Variants in UBTD1 observed in about 807,000 individuals in gnomAD.
UBTD1 encodes the protein ubiquitin domain-containing protein 1.
Under a neutral mutation model 21.7 loss-of-function variants are expected in UBTD1, and 19 were observed. The observed-to-expected ratio is 0.87, with a 90% CI of 0.61 to 1.28. UBTD1 has a LOEUF of 1.28. Among genes scored for constraint, UBTD1 ranks in the 50% most tolerant of loss-of-function variants. UBTD1 has a pLI of 0.00. For synonymous variants in UBTD1, 116 were observed against 135.1 expected (o/e 0.86, Z 0.98); for missense variants, 282 against 315.1 (o/e 0.89, Z 0.80).
chr10:97,523,658 A>G (rs549341793), intron 1 of UBTD1, among the ~76,000 whole-genome samples: 2 of 152,222 alleles, frequency 1.3e-5, no homozygotes, highest in South Asian at 4.1e-4. Flanking sequence ...TGGTAGAGCC[A>G]GGATAGTTGG....
intron 1 of UBTD1, among the ~76,000 whole-genome samples, 169 bp downstream of exon 1, chr10:97,499,442 G>A (rs2033509058): frequency 6.6e-6 from 1 of 152,244 alleles, no homozygotes; most frequent in Admixed American, 6.5e-5. Flanking sequence ...GCGGCCGGGG[G>A]AGCTGAGTTG....
intron 1 of UBTD1, among the ~76,000 whole-genome samples, chr10:97,537,394 G>C (rs1304199213): frequency 5.3e-5 from 8 of 152,320 alleles, no homozygotes; most frequent in South Asian, 4.1e-4. Flanking sequence ...GGGTAGGATA[G>C]CTAGAGAGCA....
chr10:97,544,975 G>A lies in UBTD1; in HGVS notation c.71-22939G>A, dbSNP rs75510306. ...GAGGGGTTGGTCTTGCTGTCTCAGT[G>A]GCAGAGGTGGAAGAAAACTCGAACC... On this transcript the variant is annotated intron_variant, in intron 1 of 2. Transcript: ENST00000370664. Among the ~76,000 whole-genome samples the A allele has an allele frequency of 5.9e-5, 9 of 152,178 alleles. No individual in the cohort carries two copies. In the East Asian group the frequency reaches 1.5e-3, roughly 26 times the overall value.
At chr10:97,499,302 G>C (rs1271684246) in intron 1 of UBTD1, 29 bp downstream of exon 1, 1 of 1,543,196 alleles carries the variant, frequency 6.5e-7, no homozygotes, top group Non-Finnish European at 8.8e-7. Context: ...GCAGGGCCTC[G>C]GGCATCCCGC....
intron 1 of UBTD1, among the ~76,000 whole-genome samples, chr10:97,522,607 G>T (rs1242873569): frequency 6.6e-6 from 1 of 152,174 alleles, no homozygotes; most frequent in Non-Finnish European, 1.5e-5. Flanking sequence ...GCTTGATCTT[G>T]TCATTTTGCT....
chr10:97,564,858 C>G (rs752167531), intron 1 of UBTD1, among the ~76,000 whole-genome samples: 3 of 152,192 alleles, frequency 2.0e-5, no homozygotes, highest in Admixed American at 6.5e-5. Context: ...GCCACCACCC[C>G]CAGCCCACAA....
At position 97,499,035 on chromosome 10, in the gene UBTD1, C is replaced by T; in HGVS notation, c.-169C>T. On this transcript the variant is annotated 5_prime_UTR_variant, in exon 1 of 3. Transcript: ENST00000370664. ...TCTGCCACTTCCCTCTCTCCCCTGG[C>T]CCGCAAAGTTTTGGCGGAGCCATCG... is the stretch of plus-strand genomic sequence containing the variant. 4.1e-6 allele frequency: 3 copies of T among 730,788 alleles called. No homozygotes were observed. Among genetic ancestry groups the T allele is most frequent in the South Asian group, 4.0e-5 (2 of 49,388 alleles). 45.3% of individuals were successfully genotyped at this position (730,788 alleles called of 1,614,324 possible).
chr10:97,542,225 C>T (rs2040590451), intron 1 of UBTD1, among the ~76,000 whole-genome samples: 1 of 152,164 alleles, frequency 6.6e-6, no homozygotes, highest in Admixed American at 6.5e-5. Context: ...CAGGATGCGT[C>T]CTCTACAGCC....
chr10:97,566,403 C>T (rs1340637212), intron 1 of UBTD1, among the ~76,000 whole-genome samples: 2 of 152,122 alleles, frequency 1.3e-5, no homozygotes, highest in Non-Finnish European at 2.9e-5. Context: ...CCTCACCACC[C>T]CAGGAACACT....
chr10:97,499,005 G>A lies in UBTD1; in HGVS notation c.-199G>A, dbSNP rs2040284030. 1.4e-5 allele frequency: 8 copies of A among 591,288 alleles called. No individual in the cohort carries two copies. In the Admixed American group the frequency reaches 2.8e-4, roughly 20 times the overall value. 36.6% of individuals were successfully genotyped at this position (591,288 alleles called of 1,614,324 possible). On this transcript the variant is annotated 5_prime_UTR_variant, in exon 1 of 3. Coordinates refer to ENST00000370664, the MANE Select transcript of UBTD1 (RefSeq NM_024954.5). Reference sequence around the variant, plus strand: ...GGCCCGGCCACCTGGGACCGTGCTGGGGAGTCTGCCACTTCCCTCTCTCCC... The same window carrying A: ...GGCCCGGCCACCTGGGACCGTGCTGAGGAGTCTGCCACTTCCCTCTCTCCC...
chr10:97,530,627 G>T (rs1036763346), intron 1 of UBTD1, among the ~76,000 whole-genome samples: 2 of 152,048 alleles, frequency 1.3e-5, no homozygotes, highest in Admixed American at 6.6e-5. Flanking sequence ...AGGTAAATCC[G>T]GCAAGCAGCA....
At chr10:97,523,484 C>T (rs1442093344) in intron 1 of UBTD1, among the ~76,000 whole-genome samples, 2 of 152,126 alleles carry the variant, frequency 1.3e-5, no homozygotes, top group Admixed American at 1.3e-4. Context: ...TGAGAATCCT[C>T]TTCTGCTTGG....
intron 1 of UBTD1, among the ~76,000 whole-genome samples, chr10:97,515,897 C>T (rs891029753): frequency 6.6e-6 from 1 of 152,186 alleles, no homozygotes; most frequent in Non-Finnish European, 1.5e-5. Context: ...CCATGCAGAT[C>T]GGAGGCAGCT....
intron 1 of UBTD1, among the ~76,000 whole-genome samples, chr10:97,549,604 C>A (rs2040626709): frequency 6.6e-6 from 1 of 152,244 alleles, no homozygotes; most frequent in Non-Finnish European, 1.5e-5. Context: ...TGCCACCCTG[C>A]CTTGATCCTT....
chr10:97,543,975 TGAGA>T lies in UBTD1; in HGVS notation c.71-23938_71-23935del, dbSNP rs2040597537. On this transcript the variant is annotated intron_variant, in intron 1 of 2. Transcript: ENST00000370664. ...TTAAGTTAGTTGAAACAAGGATGGGTGAGACGGTAAAGAATCTGGAGAAAGGCCA... is the reference window on the plus strand; with the variant it reads ...TTAAGTTAGTTGAAACAAGGATGGGTCGGTAAAGAATCTGGAGAAAGGCCA... Among the ~76,000 whole-genome samples the T allele has an allele frequency of 2.6e-5, 4 of 151,910 alleles. No individual in the cohort carries two copies. The South Asian group carries it at 8.3e-4, about 32-fold the overall frequency.
At chr10:97,532,073 C>A (rs1258017045) in intron 1 of UBTD1, among the ~76,000 whole-genome samples, 1 of 152,068 alleles carries the variant, frequency 6.6e-6, no homozygotes, top group Admixed American at 6.6e-5. Flanking sequence ...GCAGGGACAG[C>A]CAGGTGGGAC....
rs29001241 is a variant in UBTD1 at position 97,498,975 on chromosome 10, C to T, written c.-229C>T. The T allele has an allele frequency of 1.1e-3, 525 of 474,842 alleles. 5 individuals are homozygous for T. The East Asian group carries it at 0.018, about 17-fold the overall frequency. The allele number at this position is 474,842 out of a possible 1,614,324, so 29.4% of individuals were successfully genotyped here. A position where few individuals can be genotyped will look rare whatever the true frequency, so the allele number is the denominator to read the frequency against. On this transcript the variant is annotated 5_prime_UTR_variant, in exon 1 of 3. Transcript: ENST00000370664. ...CTCCGGCCGGGCACCGTCGCGGGCC[C>T]CCCTGGCCCGGCCACCTGGGACCGT...
At chr10:97,512,864 C>T (rs1199242455) in intron 1 of UBTD1, among the ~76,000 whole-genome samples, 1 of 152,234 alleles carries the variant, frequency 6.6e-6, no homozygotes, top group Admixed American at 6.5e-5. Flanking sequence ...GAGAGACTTC[C>T]GCCCAAAGGC....
chr10:97,547,404 GC>G (rs1271753392), intron 1 of UBTD1, among the ~76,000 whole-genome samples: 1 of 152,164 alleles, frequency 6.6e-6, no homozygotes, highest in East Asian at 1.9e-4. Flanking sequence ...TCCCTCTTCT[GC>G]CCCAGGAAAA....
Sources: gnomAD v4.1 joint callset for allele counts (sites outside exome capture counted in the v4.1 genomes callset) on GRCh38, gnomAD v4.1.1 for gene constraint, MANE v1.5 for transcripts, NCBI Gene and HGNC (gene_info 2026-07-23, HGNC 2026-07-21) for gene names.